The following NTSR1 variants were observed in gnomAD, a reference collection of about 807,000 sequenced individuals.
NTSR1 encodes the protein neurotensin receptor 1.
A neutral mutation model predicts 31.2 loss-of-function variants in NTSR1; 29 were observed. That is an observed-to-expected ratio of 0.93 (90% CI 0.69 to 1.27). The LOEUF is 1.27. Among genes scored for constraint, NTSR1 ranks in the 50% most tolerant of loss-of-function variants. The pLI is 0.00. For missense variants in NTSR1, 697 were observed against 595.4 expected (o/e 1.17, Z -1.78); for synonymous variants, 282 against 269.9 (o/e 1.04, Z -0.44).
At position 62,760,094 on chromosome 20, in the gene NTSR1, A is replaced by G. The variant is rs1421008856; in HGVS notation, c.1084A>G (p.Ile362Val). The G allele has an allele frequency of 1.2e-6, 2 of 1,613,914 alleles. No individual in the cohort carries two copies. The highest frequency in any genetic ancestry group is 1.1e-5 in the South Asian group (1 of 91,076). ...CTACGTCAGCTCCACCATCAACCCC[A>G]TCCTGTACAACCTCGTCTCTGCCAA... ...LFYVSSTINP[I>V]LYNLVSANFR... Residue 362 changes from isoleucine to valine, a missense_variant, in exon 4 of 4, where the codon ATC becomes GTC. Ile to Val is a conservative substitution (Grantham distance 29, BLOSUM62 3). Transcript: ENST00000370501.
rs1989597684 is a variant in NTSR1 at position 62,760,361 on chromosome 20, G to T, written c.*94G>T. 2.5e-5 allele frequency: 36 copies of T among 1,428,016 alleles called. No individual in the cohort carries two copies. The highest frequency in any genetic ancestry group is 3.4e-5 in the Non-Finnish European group (36 of 1,065,366). The allele number at this position is 1,428,016 out of a possible 1,614,324, so 88.5% of individuals were successfully genotyped here. On this transcript the variant is annotated 3_prime_UTR_variant, in exon 4 of 4. Transcript: ENST00000370501. ...CCCCCACCCGGGAGCCTTGATGGGG[G>T]TCAGGCAGAGGCCAGCCTGCACTGG...
At chr20:62,727,860 T>C (rs956123137) in intron 1 of NTSR1, among the ~76,000 whole-genome samples, 1 of 151,860 alleles carries the variant, frequency 6.6e-6, no homozygotes, top group Non-Finnish European at 1.5e-5. Context: ...ATGGCAAGGG[T>C]GGGGCCAAGT....
At chr20:62,730,028 A>G (rs1988977003) in intron 1 of NTSR1, among the ~76,000 whole-genome samples, 1 of 152,136 alleles carries the variant, frequency 6.6e-6, no homozygotes, top group Admixed American at 6.5e-5. Context: ...ACCTGTTAAT[A>G]ACAGGTGTCT....
intron 2 of NTSR1, 141 bp downstream of exon 2, chr20:62,755,027 C>A: frequency 1.3e-6 from 1 of 752,724 alleles, no homozygotes; most frequent in South Asian, 1.9e-5. Context: ...GGTGCCAGCT[C>A]CCCCGAGGGG....
intron 1 of NTSR1, among the ~76,000 whole-genome samples, chr20:62,750,037 C>T (rs1485676373): frequency 2.6e-5 from 4 of 152,344 alleles, no homozygotes; most frequent in South Asian, 4.1e-4. Context: ...CGCCAAGACA[C>T]GGAATCAACC....
intron 1 of NTSR1, among the ~76,000 whole-genome samples, chr20:62,739,153 A>G (rs1299576113): frequency 2.0e-5 from 3 of 152,118 alleles, no homozygotes; most frequent in African/African-American, 7.2e-5. Flanking sequence ...GGCTCTTGAG[A>G]CTGAACCGGG....
intron 1 of NTSR1, among the ~76,000 whole-genome samples, chr20:62,738,076 C>A (rs114947779): frequency 0.057 from 4,460 of 78,726 alleles, 144 homozygotes; most frequent in African/African-American, 0.21. Context: ...CCCCCTCCCC[C>A]TCCTCTGCCT....
At chr20:62,710,882 C>T (rs1031439757) in intron 1 of NTSR1, among the ~76,000 whole-genome samples, 2 of 152,154 alleles carry the variant, frequency 1.3e-5, no homozygotes, top group Non-Finnish European at 2.9e-5. Context: ...TTCTGGTGGG[C>T]TAAGGAAGCC....
chr20:62,743,676 C>T lies in NTSR1; in HGVS notation c.715-11009C>T, dbSNP rs1431344516. On this transcript the variant is annotated intron_variant, in intron 1 of 3. Transcript: ENST00000370501. The surrounding 1 kb of genome is among the most constrained non-coding windows in gnomAD (Gnocchi z 7.5). ...CAAAGCAAAAGGGTTTTGCACCTTC[C>T]CACTCAGCACAGGCTGGCTGCGGAG... Among the ~76,000 whole-genome samples the T allele has an allele frequency of 1.3e-5, 2 of 152,292 alleles. No individual in the cohort carries two copies. The highest frequency in any genetic ancestry group is 4.8e-5 in the African/African-American group (2 of 41,570).
In NTSR1 at chr20:62,745,359, A is replaced by G. The variant is rs1469961224; in HGVS notation, c.715-9326A>G. On this transcript the variant is annotated intron_variant, in intron 1 of 3. Transcript: ENST00000370501. This position sits in a 1 kb window ranked among gnomAD's most constrained non-coding sequence, Gnocchi z 4.1. Reference sequence around the variant, plus strand: ...GATACAGAGACACAAGAAAACAGAGACAGAGATAGAGACAGAGACACAGAG... The same window carrying G: ...GATACAGAGACACAAGAAAACAGAGGCAGAGATAGAGACAGAGACACAGAG... Among the ~76,000 whole-genome samples the G allele has an allele frequency of 2.0e-5, 3 of 152,142 alleles. No homozygotes were observed. Among genetic ancestry groups the G allele is most frequent in the African/African-American group, 7.2e-5 (3 of 41,420 alleles).
At position 62,743,087 on chromosome 20, in the gene NTSR1, C is replaced by A. The variant is rs1989232685; in HGVS notation, c.715-11598C>A. ...CCAGATCAGCTCGGTAGGCTCCAAT[C>A]CAGAGAGTCAGGCTGGGAGGGGAGC... On this transcript the variant is annotated intron_variant, in intron 1 of 3. Coordinates refer to ENST00000370501, the MANE Select transcript of NTSR1 (RefSeq NM_002531.3). The surrounding 1 kb of genome is among the most constrained non-coding windows in gnomAD (Gnocchi z 7.5). Among the ~76,000 whole-genome samples, 1 of 149,576 alleles carries A rather than the reference C, an allele frequency of 6.7e-6. No individual in the cohort carries two copies. Among genetic ancestry groups the A allele is most frequent in the Non-Finnish European group, 1.5e-5 (1 of 68,002 alleles).
chr20:62,716,643 AGCTGCCGTCC>A (rs1988730532), intron 1 of NTSR1, among the ~76,000 whole-genome samples: 1 of 63,650 alleles, frequency 1.6e-5, no homozygotes, highest in African/African-American at 4.9e-5. Flanking sequence ...AGAGTGACCG[AGCTGCCGTCC>A]GCTCAAGGCT....
intron 1 of NTSR1, among the ~76,000 whole-genome samples, chr20:62,752,566 C>T (rs1162000832): frequency 3.9e-5 from 6 of 152,236 alleles, no homozygotes; most frequent in African/African-American, 1.2e-4. Context: ...GATCCTCCAA[C>T]GGGGGCAGCC....
intron 1 of NTSR1, among the ~76,000 whole-genome samples, chr20:62,719,811 G>A (rs1369424306): frequency 1.3e-5 from 2 of 152,298 alleles, no homozygotes; most frequent in Non-Finnish European, 2.9e-5. Context: ...ATATTGGTCT[G>A]TAAGTTTATT....
intron 1 of NTSR1, among the ~76,000 whole-genome samples, chr20:62,725,839 G>A (rs1422182292): frequency 6.6e-6 from 1 of 152,064 alleles, no homozygotes; most frequent in Non-Finnish European, 1.5e-5. Context: ...AGGAGTGAGG[G>A]GGAGGGAGGA....
rs1487411113 is a variant in NTSR1 at position 62,709,376 on chromosome 20, A to G, written c.169A>G (p.Asn57Asp). The G allele has an allele frequency of 6.2e-7, 1 of 1,609,352 alleles. No individual in the cohort carries two copies. Among genetic ancestry groups the G allele is most frequent in the Non-Finnish European group, 8.5e-7 (1 of 1,177,460 alleles). The stretch of plus-strand genomic sequence containing the variant: ...GGCACCCAGCAGCGAGCTGGACGTG[A>G]ACACCGACATCTACTCCAAGGTGCT... ...LAAPSSELDV[N>D]TDIYSKVLVT... is the part of the protein sequence containing the mutation. The change falls in exon 1 of 4, where the codon AAC becomes GAC. Residue 57 changes from asparagine (N) to aspartate (D), a missense_variant. Transcript: ENST00000370501.
intron 1 of NTSR1, among the ~76,000 whole-genome samples, chr20:62,734,918 G>C (rs984907754): frequency 2.0e-5 from 3 of 152,220 alleles, no homozygotes; most frequent in African/African-American, 7.2e-5. Context: ...CCACGGGACT[G>C]TGCTGCCCGA....
At chr20:62,750,525 C>T (rs999079305) in intron 1 of NTSR1, among the ~76,000 whole-genome samples, 3 of 152,006 alleles carry the variant, frequency 2.0e-5, no homozygotes, top group African/African-American at 4.8e-5. Context: ...CCCATCTCTA[C>T]TAAAAATACA....
intron 1 of NTSR1, among the ~76,000 whole-genome samples, chr20:62,752,573 A>AGCCAGGGG (rs1372722174): frequency 6.6e-6 from 1 of 152,234 alleles, no homozygotes; most frequent in Non-Finnish European, 1.5e-5. Flanking sequence ...CAACGGGGGC[A>AGCCAGGGG]GCCAGGGGGC....
Sources: gnomAD v4.1 joint callset for allele counts (sites outside exome capture counted in the v4.1 genomes callset) on GRCh38, gnomAD v4.1.1 for gene constraint, Gnocchi (gnomAD v3.1) non-coding constraint, MANE v1.5 for transcripts, NCBI Gene and HGNC (gene_info 2026-07-23, HGNC 2026-07-21) for gene names.